The following PPP1R9A variants were observed in gnomAD, a reference collection of about 807,000 sequenced individuals.
PPP1R9A encodes protein phosphatase 1 regulatory subunit 9A, also known as neurabin-1.
Under a neutral mutation model 141.9 loss-of-function variants are expected in PPP1R9A, and 59 were observed. The observed-to-expected ratio is 0.42, with a 90% CI of 0.34 to 0.52. PPP1R9A has a LOEUF of 0.52. Ranked by LOEUF, PPP1R9A falls within the 20% of genes least tolerant of loss-of-function variation. The pLI is 0.10. For missense variants in PPP1R9A, 1,444 were observed against 1,611.9 expected, an observed-to-expected ratio of 0.90 and a Z score of 1.78; for synonymous variants, 500 against 569.7, an observed-to-expected ratio of 0.88 and a Z score of 1.74.
At chr7:94,986,111 A>G (rs559672524) in intron 2 of PPP1R9A, among the ~76,000 whole-genome samples, 3 of 152,238 alleles carry the variant, frequency 2.0e-5, no homozygotes, top group East Asian at 1.9e-4. Context: ...GGTGAATAAT[A>G]TGTTAGGTAG....
At chr7:95,192,017 AG>A (rs916521310) in intron 5 of PPP1R9A, among the ~76,000 whole-genome samples, 1 of 152,026 alleles carries the variant, frequency 6.6e-6, no homozygotes, top group African/African-American at 2.4e-5. Context: ...ATATTTTTGA[AG>A]GTTTTAAAAA....
chr7:95,054,639 C>T (rs1225002490), intron 2 of PPP1R9A, among the ~76,000 whole-genome samples: 1 of 151,984 alleles, frequency 6.6e-6, no homozygotes, highest in African/African-American at 2.4e-5. Flanking sequence ...CTCCCTGGTC[C>T]CTGCTTGTCC....
chr7:94,916,961 T>G (rs959748673), intron 2 of PPP1R9A, among the ~76,000 whole-genome samples: 4 of 152,024 alleles, frequency 2.6e-5, no homozygotes, highest in African/African-American at 9.7e-5. Context: ...ACAACAGGCA[T>G]GCACAACTAT....
intron 3 of PPP1R9A, among the ~76,000 whole-genome samples, chr7:95,111,905 C>T (rs1344208277): frequency 6.6e-6 from 1 of 151,932 alleles, no homozygotes; most frequent in Admixed American, 6.6e-5. Flanking sequence ...ATTTCTCTCC[C>T]AGGAATGACA....
chr7:95,122,776 T>G (rs910062861), intron 4 of PPP1R9A, among the ~76,000 whole-genome samples: 2 of 152,216 alleles, frequency 1.3e-5, no homozygotes, highest in Admixed American at 6.5e-5. Flanking sequence ...ATAACCTCTT[T>G]GCCCCTTTAA....
chr7:94,948,635 C>T (rs1796136722), intron 2 of PPP1R9A, among the ~76,000 whole-genome samples: 1 of 152,138 alleles, frequency 6.6e-6, no homozygotes. Context: ...AGCTAGCTTT[C>T]CCCTCTCTTT....
chr7:95,223,327 A>G (rs1304641367), intron 7 of PPP1R9A, among the ~76,000 whole-genome samples: 1 of 152,030 alleles, frequency 6.6e-6, no homozygotes, highest in Non-Finnish European at 1.5e-5. Context: ...GAAAGTGTAT[A>G]TGGATGACAA....
chr7:95,263,232 ATT>A (rs1408072373), intron 12 of PPP1R9A, among the ~76,000 whole-genome samples: 1 of 152,224 alleles, frequency 6.6e-6, no homozygotes, highest in Admixed American at 6.5e-5. Context: ...GTTTTTCTCT[ATT>A]TTTATTCATT....
chr7:94,924,669 C>A (rs561413552), intron 2 of PPP1R9A, among the ~76,000 whole-genome samples: 170 of 152,242 alleles, frequency 1.1e-3, no homozygotes, highest in African/African-American at 4.0e-3. Flanking sequence ...GCTGGAATTA[C>A]AGGCACGCAC....
At chr7:95,222,343 C>T (rs1470587512) in intron 7 of PPP1R9A, among the ~76,000 whole-genome samples, 1 of 151,974 alleles carries the variant, frequency 6.6e-6, no homozygotes, top group African/African-American at 2.4e-5. Flanking sequence ...TTGAATGCAG[C>T]TTCAACAACT....
chr7:95,229,760 A>C (rs1324884809), intron 8 of PPP1R9A, among the ~76,000 whole-genome samples: 1 of 151,992 alleles, frequency 6.6e-6, no homozygotes, highest in Non-Finnish European at 1.5e-5. Context: ...AAACCTGAAT[A>C]CTTGACCAGG....
intron 2 of PPP1R9A, among the ~76,000 whole-genome samples, chr7:94,946,092 G>A (rs938066336): frequency 3.3e-5 from 5 of 152,198 alleles, no homozygotes; most frequent in Middle Eastern, 3.4e-3. Flanking sequence ...ACAGATGAAA[G>A]GAAATCTAAT....
At chr7:95,131,990 A>T (rs1275618580) in intron 4 of PPP1R9A, among the ~76,000 whole-genome samples, 1 of 152,214 alleles carries the variant, frequency 6.6e-6, no homozygotes, top group East Asian at 1.9e-4. Flanking sequence ...AGCTTTCAAC[A>T]TGAGTGGTAT....
intron 4 of PPP1R9A, among the ~76,000 whole-genome samples, chr7:95,159,190 T>C (rs1830073506): frequency 6.6e-6 from 1 of 152,228 alleles, no homozygotes; most frequent in South Asian, 2.1e-4. Flanking sequence ...TGATAAAAGA[T>C]GATACTATAT....
rs188995489 is a variant in PPP1R9A at position 95,166,163 on chromosome 7, A to G, written c.1754+4192A>G. ...AACTCCATTTCAAAAAAAAAAAAAA[A>G]AAAGAAAGAAAATTAGAAGAAAGAG... is the stretch of plus-strand genomic sequence containing the variant. On this transcript the variant is annotated intron_variant, in intron 5 of 19. Coordinates refer to ENST00000433360, the MANE Select transcript of PPP1R9A (RefSeq NM_001166160.2). Among the ~76,000 whole-genome samples, 1,020 of 151,688 alleles carry G rather than the reference A, an allele frequency of 6.7e-3. 6 individuals carry two copies. The highest frequency in any genetic ancestry group is 9.2e-3 in the Non-Finnish European group (626 of 67,900).
intron 2 of PPP1R9A, among the ~76,000 whole-genome samples, chr7:94,975,997 T>G (rs1056762942): frequency 7.2e-5 from 11 of 152,174 alleles, no homozygotes; most frequent in Non-Finnish European, 1.2e-4. Context: ...GGGTCATTAT[T>G]AAGTTTATGT....
intron 17 of PPP1R9A, among the ~76,000 whole-genome samples, chr7:95,285,769 G>A (rs779870821): frequency 2.0e-5 from 3 of 152,154 alleles, no homozygotes; most frequent in Admixed American, 6.5e-5. Context: ...AACAATAAGC[G>A]ATCCTTCCCA....
At chr7:95,036,480 G>A (rs144204253) in intron 2 of PPP1R9A, 47 of 152,292 alleles carry the variant, frequency 3.1e-4, no homozygotes, top group African/African-American at 9.6e-4. Context: ...CCACCCAAGA[G>A]CCAGTTATAG....
chr7:95,285,735 T>C (rs1355037116), intron 17 of PPP1R9A, among the ~76,000 whole-genome samples: 4 of 152,178 alleles, frequency 2.6e-5, no homozygotes. Flanking sequence ...GGATCTGCCA[T>C]TTCTCATAGT....
Sources: gnomAD v4.1 joint callset for allele counts (sites outside exome capture counted in the v4.1 genomes callset) on GRCh38, gnomAD v4.1.1 for gene constraint, MANE v1.5 for transcripts, NCBI Gene and HGNC (gene_info 2026-07-23, HGNC 2026-07-21) for gene names.